Variants in DMD observed in about 807,000 individuals in gnomAD.
The protein encoded by DMD is dystrophin, also known as mutant dystrophin.
DMD carries 63 observed loss-of-function variants against 330.1 expected under a neutral mutation model. That is an observed-to-expected ratio of 0.19 (90% CI 0.16 to 0.24). The LOEUF is 0.24. DMD is among the 10% of genes least tolerant of loss of function. The probability of loss-of-function intolerance (pLI) is 1.00; values close to 1 mark genes in which losing one functional copy is unlikely to be tolerated. For synonymous variants in DMD, 1,223 were observed against 959.8 expected (o/e 1.27, Z -5.07); for missense variants, 3,344 against 2,684.1 (o/e 1.25, Z -5.43).
At chrX:32,013,203 C>T (rs1474018010) in intron 44 of DMD, among the ~76,000 whole-genome samples, 1 of 101,246 alleles carries the variant, frequency 9.9e-6, no homozygotes, top group Admixed American at 1.2e-4. Context: ...TCTCCTGCCT[C>T]AGCCTGCTAA....
In DMD at chrX:31,702,857, T is replaced by C. The variant is rs1295441215; in HGVS notation, c.7661-23271A>G. Among the ~76,000 whole-genome samples the C allele has an allele frequency of 1.2e-4, 13 of 105,641 alleles. No individual in the cohort carries two copies. The Admixed American group carries it at 1.3e-3, about 11-fold the overall frequency. The allele number at this position is 105,641 out of a possible 115,157, so 91.7% of individuals were successfully genotyped here. On this transcript the variant is annotated intron_variant, in intron 52 of 78. Transcript: ENST00000357033. ...TTAAAACTCTAGTCAGAGAAGTCTT[T>C]TTTTTTTTTTTTTTTAATAGGGAGT...
In DMD at chrX:32,572,202, T is replaced by A. The variant is rs752669414; in HGVS notation, c.1812+1328A>T. ...AATACATAAGTGAATCTATTTTAAA[T>A]TAAAAGACCAATGAGGGTTAGCATT... On this transcript the variant is annotated intron_variant, in intron 15 of 78. Transcript: ENST00000357033. Among the ~76,000 whole-genome samples the A allele has an allele frequency of 9.9e-5, 11 of 111,254 alleles. No individual in the cohort carries two copies. In the East Asian group the frequency reaches 3.1e-3, roughly 31 times the overall value.
intron 44 of DMD, among the ~76,000 whole-genome samples, chrX:32,208,276 C>T (rs897330649): frequency 5.4e-5 from 6 of 112,081 alleles, no homozygotes; most frequent in Admixed American, 1.9e-4. Context: ...TATACGACCA[C>T]GGTTAATCCT....
At chrX:32,200,231 T>C (rs935244161) in intron 44 of DMD, among the ~76,000 whole-genome samples, 3 of 111,144 alleles carry the variant, frequency 2.7e-5, no homozygotes, top group African/African-American at 9.8e-5. Flanking sequence ...CCAGCTCACT[T>C]TTCCAATCAG....
chrX:32,326,216 C>T (rs2097649810), intron 41 of DMD, among the ~76,000 whole-genome samples: 1 of 111,672 alleles, frequency 9.0e-6, no homozygotes, highest in South Asian at 3.7e-4. Flanking sequence ...TTGAGAGTTA[C>T]CCTGCATTCT....
intron 20 of DMD, among the ~76,000 whole-genome samples, chrX:32,489,560 TG>T (rs2042797492): frequency 9.0e-6 from 1 of 111,602 alleles, no homozygotes; most frequent in African/African-American, 3.3e-5. Context: ...ACCTTGATCC[TG>T]GACTTTCTCT....
chrX:31,938,473 ATAT>A (rs900877792), intron 45 of DMD, among the ~76,000 whole-genome samples: 3 of 111,861 alleles, frequency 2.7e-5, no homozygotes, highest in African/African-American at 9.7e-5. Flanking sequence ...ATAGTACAAA[ATAT>A]TATGTCATTA....
At chrX:31,603,396 A>C (rs924972017) in intron 55 of DMD, among the ~76,000 whole-genome samples, 1 of 112,005 alleles carries the variant, frequency 8.9e-6, no homozygotes, top group Non-Finnish European at 1.9e-5. Context: ...AAGAAAAAAA[A>C]CAGATGATTA....
intron 33 of DMD, among the ~76,000 whole-genome samples, chrX:32,383,344 A>C (rs2097937730): frequency 9.0e-6 from 1 of 111,412 alleles, no homozygotes; most frequent in African/African-American, 3.2e-5. Context: ...ATTGTGGCAG[A>C]CACAACCATA....
chrX:33,119,983 G>A (rs1454274611), intron 1 of DMD, among the ~76,000 whole-genome samples: 1 of 111,136 alleles, frequency 9.0e-6, no homozygotes, highest in Non-Finnish European at 1.9e-5. Context: ...GTTTCCTTTC[G>A]ATCCACCTCC....
At chrX:31,144,071 C>T (rs1045619361) in intron 76 of DMD, among the ~76,000 whole-genome samples, 2 of 111,390 alleles carry the variant, frequency 1.8e-5, no homozygotes, top group Non-Finnish European at 3.8e-5. Flanking sequence ...AGGAAAATAA[C>T]CTCAAACATA....
At chrX:33,041,301 C>T (rs919579786) in intron 1 of DMD, 120 of 967,329 alleles carry the variant, frequency 1.2e-4, no homozygotes, top group Non-Finnish European at 1.6e-4. Context: ...GCATGCGCGC[C>T]GGCGACCAAG....
At chrX:32,900,676 A>G in intron 2 of DMD, among the ~76,000 whole-genome samples, 1 of 111,330 alleles carries the variant, frequency 9.0e-6, no homozygotes, top group Middle Eastern at 4.6e-3. Flanking sequence ...ATTATGAGGA[A>G]TAGCTCAATT....
At chrX:33,295,298 T>G (rs2053568606) in intron 1 of DMD, among the ~76,000 whole-genome samples, 2 of 110,797 alleles carry the variant, frequency 1.8e-5, no homozygotes, top group Admixed American at 9.7e-5. Flanking sequence ...ACTACCTATC[T>G]CATCCCAGCT....
chrX:31,594,388 G>A (rs1275226408), intron 55 of DMD, among the ~76,000 whole-genome samples: 1 of 110,778 alleles, frequency 9.0e-6, no homozygotes, highest in African/African-American at 3.3e-5. Context: ...GAAGAATTCT[G>A]CGTGTCTATA....
At chrX:32,654,203 G>A (rs759856654) in intron 9 of DMD, among the ~76,000 whole-genome samples, 2 of 111,590 alleles carry the variant, frequency 1.8e-5, no homozygotes, top group Admixed American at 9.6e-5. Context: ...TAGGAGTGGT[G>A]AGAGAGGGCA....
rs769120629 is a variant in DMD at position 33,296,630 on chromosome X, C to T, written c.7+42629G>A. ...TTTTTGAGTCTTCCAGACTGAGCAC[C>T]CATTTGACATACAATTTAACTTACC... On this transcript the variant is annotated intron_variant, in intron 1 of 17. Coordinates refer to the DMD transcript ENST00000288447. Among the ~76,000 whole-genome samples, 26 of 110,096 alleles carry T rather than the reference C, an allele frequency of 2.4e-4. No homozygotes were observed. In the South Asian group the frequency reaches 9.7e-3, roughly 41 times the overall value.
chrX:31,265,914 A>G (rs1245702382), intron 62 of DMD, among the ~76,000 whole-genome samples: 1 of 108,590 alleles, frequency 9.2e-6, no homozygotes, highest in Non-Finnish European at 1.9e-5. Flanking sequence ...CTTAAATCGG[A>G]TGGATTTTTT....
intron 42 of DMD, among the ~76,000 whole-genome samples, chrX:32,290,219 T>C (rs2097460917): frequency 8.9e-6 from 1 of 112,457 alleles, no homozygotes; most frequent in South Asian, 3.7e-4. Context: ...CTTTCTCACG[T>C]TAAAGGGGCC....
Sources: gnomAD v4.1 joint callset for allele counts (sites outside exome capture counted in the v4.1 genomes callset) on GRCh38, gnomAD v4.1.1 for gene constraint, MANE v1.5 for transcripts, NCBI Gene and HGNC (gene_info 2026-07-23, HGNC 2026-07-21) for gene names.